Variants in SH3BGRL2 observed in about 807,000 individuals in gnomAD.
SH3BGRL2 encodes the protein SH3 domain-binding glutamic acid-rich-like protein 2.
In SH3BGRL2, 21 loss-of-function variants were observed where a neutral mutation model predicts 14.8. The observed-to-expected ratio is 1.42, with a 90% CI of 1.01 to 2.05. The LOEUF is 2.05. Ranked by LOEUF, SH3BGRL2 falls within the 30% of genes most tolerant of loss-of-function variation. The pLI, the probability that SH3BGRL2 is intolerant of heterozygous loss-of-function variation, is 0.00. For missense variants in SH3BGRL2, 147 were observed against 130.8 expected, an observed-to-expected ratio of 1.12 and a Z score of -0.61; for synonymous variants, 50 against 47.8, an observed-to-expected ratio of 1.05 and a Z score of -0.19.
chr6:79,659,246 T>G (rs1769489254), intron 1 of SH3BGRL2, among the ~76,000 whole-genome samples: 1 of 152,226 alleles, frequency 6.6e-6, no homozygotes, highest in South Asian at 2.1e-4. Flanking sequence ...TGACTAGGTT[T>G]TCTTTTGGGT....
chr6:79,675,421 T>C (rs1769861063), intron 2 of SH3BGRL2, among the ~76,000 whole-genome samples: 1 of 152,184 alleles, frequency 6.6e-6, no homozygotes, highest in Non-Finnish European at 1.5e-5. Context: ...ACCACATCTT[T>C]TGGTGAATTA....
intron 1 of SH3BGRL2, among the ~76,000 whole-genome samples, chr6:79,644,569 G>T (rs1437703357): frequency 6.6e-6 from 1 of 152,148 alleles, no homozygotes; most frequent in Admixed American, 6.5e-5. Flanking sequence ...GAAGAAATTT[G>T]TGTGATACAA....
chr6:79,646,766 C>T (rs1243155320), intron 1 of SH3BGRL2, among the ~76,000 whole-genome samples: 3 of 152,206 alleles, frequency 2.0e-5, no homozygotes, highest in Non-Finnish European at 4.4e-5. Flanking sequence ...CTCTTCTGGA[C>T]ATTTCATGTA....
the SH3BGRL2 span, among the ~76,000 whole-genome samples, chr6:79,603,954 G>A: frequency 7.9e-4 from 120 of 152,156 alleles, no homozygotes; most frequent in Middle Eastern, 6.8e-3. Context: ...ACAGGTGCGC[G>A]TTACCACACC....
intron 1 of SH3BGRL2, among the ~76,000 whole-genome samples, chr6:79,650,492 AG>A (rs1769265358): frequency 6.6e-6 from 1 of 152,216 alleles, no homozygotes; most frequent in Non-Finnish European, 1.5e-5. Flanking sequence ...ACAGTTCTGC[AG>A]GTTGTACAAG....
the SH3BGRL2 span, among the ~76,000 whole-genome samples, chr6:79,541,305 G>A: frequency 6.6e-6 from 1 of 151,892 alleles, no homozygotes; most frequent in Non-Finnish European, 1.5e-5. Context: ...TAAAATATGT[G>A]TGCTTTTCAC....
At chr6:79,639,980 T>C (rs1343947535) in intron 1 of SH3BGRL2, among the ~76,000 whole-genome samples, 1 of 152,258 alleles carries the variant, frequency 6.6e-6, no homozygotes, top group Non-Finnish European at 1.5e-5. Context: ...TTGTGGGGAC[T>C]CTTCTACTTC....
the SH3BGRL2 span, among the ~76,000 whole-genome samples, chr6:79,565,257 T>C: frequency 6.6e-6 from 1 of 152,174 alleles, no homozygotes; most frequent in African/African-American, 2.4e-5. Flanking sequence ...TTTCAGAACA[T>C]GAATTCAATA....
chr6:79,681,482 A>G (rs1769987018), intron 2 of SH3BGRL2, among the ~76,000 whole-genome samples: 1 of 152,156 alleles, frequency 6.6e-6, no homozygotes. Context: ...GAGGCCTGAA[A>G]GTAGGCTAGA....
At chr6:79,624,679 A>G in the SH3BGRL2 span, among the ~76,000 whole-genome samples, 2 of 151,982 alleles carry the variant, frequency 1.3e-5, no homozygotes, top group Non-Finnish European at 2.9e-5. Context: ...GCATATCTCA[A>G]AGCTTCCTTG....
the SH3BGRL2 span, among the ~76,000 whole-genome samples, chr6:79,577,817 G>A: frequency 6.6e-6 from 1 of 152,198 alleles, no homozygotes; most frequent in Non-Finnish European, 1.5e-5. Context: ...GCAGGGCGGG[G>A]CATCACCTCA....
At chr6:79,600,570 C>T in the SH3BGRL2 span, among the ~76,000 whole-genome samples, 1 of 152,058 alleles carries the variant, frequency 6.6e-6, no homozygotes, top group Non-Finnish European at 1.5e-5. Context: ...TCACTACAGT[C>T]TCCTGCCCCA....
At chr6:79,651,633 C>A (rs1769298217) in intron 1 of SH3BGRL2, among the ~76,000 whole-genome samples, 1 of 152,094 alleles carries the variant, frequency 6.6e-6, no homozygotes, top group South Asian at 2.1e-4. Flanking sequence ...GTATAAGCAG[C>A]CCCTCTGAAG....
chr6:79,651,421 A>T (rs1050765836), intron 1 of SH3BGRL2, among the ~76,000 whole-genome samples: 2 of 152,222 alleles, frequency 1.3e-5, no homozygotes, highest in African/African-American at 4.8e-5. Flanking sequence ...CAATCTTGAC[A>T]GGAAATGTAA....
intron 1 of SH3BGRL2, among the ~76,000 whole-genome samples, chr6:79,641,763 A>G (rs891958510): frequency 6.6e-6 from 1 of 152,204 alleles, no homozygotes; most frequent in Non-Finnish European, 1.5e-5. Flanking sequence ...CAGTAAAAAA[A>G]AATCACAATG....
At chr6:79,635,528 T>A (rs561466126) in intron 1 of SH3BGRL2, among the ~76,000 whole-genome samples, 1 of 152,240 alleles carries the variant, frequency 6.6e-6, no homozygotes, top group South Asian at 2.1e-4. Context: ...AGAACAGACA[T>A]GTACTCTGCC....
At chr6:79,615,845 T>C in the SH3BGRL2 span, among the ~76,000 whole-genome samples, 1 of 150,210 alleles carries the variant, frequency 6.7e-6, no homozygotes. Context: ...TTTTTTTTTT[T>C]TTTTAGACAA....
intron 1 of SH3BGRL2, among the ~76,000 whole-genome samples, chr6:79,651,111 C>T (rs1582719310): frequency 1.3e-5 from 2 of 152,088 alleles, no homozygotes; most frequent in South Asian, 4.2e-4. Flanking sequence ...TATTACAAAA[C>T]ACATTGTGTT....
At chr6:79,632,476 T>C (rs1768843687) in intron 1 of SH3BGRL2, among the ~76,000 whole-genome samples, 1 of 152,216 alleles carries the variant, frequency 6.6e-6, no homozygotes, top group African/African-American at 2.4e-5. Flanking sequence ...AAGTGCATTG[T>C]AGATTGCTTA....
Sources: gnomAD v4.1 joint callset for allele counts (sites outside exome capture counted in the v4.1 genomes callset) on GRCh38, gnomAD v4.1.1 for gene constraint, MANE v1.5 for transcripts, NCBI Gene and HGNC (gene_info 2026-07-23, HGNC 2026-07-21) for gene names.